VDAC3: variants seen among roughly 807,000 people sequenced by gnomAD.
VDAC3 encodes voltage dependent anion channel 3.
Under a neutral mutation model 33.9 loss-of-function variants are expected in VDAC3, and 7 were observed. The observed-to-expected ratio is 0.21, with a 90% confidence interval of 0.12 to 0.39. The LOEUF (loss-of-function observed/expected upper bound fraction) is 0.39. VDAC3 is among the 10% of genes least tolerant of loss of function. The pLI is 1.00. For missense variants in VDAC3, 261 were observed against 334.5 expected (o/e 0.78, Z 1.71); for synonymous variants, 100 against 122.4 (o/e 0.82, Z 1.21).
At chr8:42,405,294 C>G in intron 9 of VDAC3, 77 bp from the exon 10 acceptor site, 1 of 1,204,184 alleles carries the variant, frequency 8.3e-7, no homozygotes, top group South Asian at 1.3e-5. Context: ...ACCATTGATT[C>G]CATCTGTTGT....
chr8:42,401,300 G>A (rs1482036447), intron 6 of VDAC3, among the ~76,000 whole-genome samples: 3 of 151,824 alleles, frequency 2.0e-5, no homozygotes, highest in African/African-American at 7.3e-5. Flanking sequence ...AGGTTCAAGT[G>A]ATTCTCCTGC....
rs953959315 is a variant in VDAC3 at position 42,395,212 on chromosome 8, A to G, written c.117+79A>G. 13 of 1,582,224 alleles carry G rather than the reference A, an allele frequency of 8.2e-6. No homozygotes were observed. The Admixed American group carries it at 1.2e-4, about 15-fold the overall frequency. ...TGTTTAAAATCATGACAGTCTAGTTACTTGAACCAGCACCATGCTGTCTTC... is the reference window on the plus strand; with the variant it reads ...TGTTTAAAATCATGACAGTCTAGTTGCTTGAACCAGCACCATGCTGTCTTC... On this transcript the variant is annotated intron_variant, in intron 4 of 9. Transcript: ENST00000022615.
chr8:42,404,935 G>A lies in VDAC3; in HGVS notation c.760+11G>A, dbSNP rs780602307. The A allele has an allele frequency of 2.5e-6, 4 of 1,612,828 alleles. No individual in the cohort carries two copies. Among genetic ancestry groups the A allele is most frequent in the Non-Finnish European group, 8.5e-7 (1 of 1,179,206 alleles). On this transcript the variant is annotated intron_variant, in intron 9 of 9. Transcript: ENST00000022615. ...AGACCCTTCGACCAGGTAAGTAAAG[G>A]AATTAGTAACAGAGGGGTTGAGGTG...
intron 4 of VDAC3, among the ~76,000 whole-genome samples, chr8:42,395,556 G>A (rs928255501): frequency 2.6e-5 from 4 of 152,158 alleles, no homozygotes; most frequent in East Asian, 1.9e-4. Flanking sequence ...ATTTCTGCAC[G>A]TATGCATGTA....
In VDAC3 at chr8:42,405,539, C is replaced by G; in HGVS notation, c.*77C>G. 3.2e-6 allele frequency: 4 copies of G among 1,264,812 alleles called. No individual in the cohort carries two copies. Among genetic ancestry groups the G allele is most frequent in the Non-Finnish European group, 4.5e-6 (4 of 884,896 alleles). The allele number at this position is 1,264,812 out of a possible 1,614,324, so 78.3% of individuals were successfully genotyped here. Reference sequence around the variant, plus strand: ...CCCACTATGTTTTGGCCTTAAAATTCTTCTGTGAAATTTCAAAAGTGTGAA... The same window carrying G: ...CCCACTATGTTTTGGCCTTAAAATTGTTCTGTGAAATTTCAAAAGTGTGAA... On this transcript the variant is annotated 3_prime_UTR_variant, in exon 10 of 10. Transcript: ENST00000022615.
intron 1 of VDAC3, among the ~76,000 whole-genome samples, chr8:42,393,417 C>G (rs1050523948): frequency 1.3e-5 from 2 of 152,104 alleles, no homozygotes; most frequent in Non-Finnish European, 2.9e-5. Flanking sequence ...TACAGAAGAA[C>G]CTGCTGCAGA....
At chr8:42,395,301 T>C (rs965415931) in intron 4 of VDAC3, 168 bp downstream of exon 4, 54 of 541,834 alleles carry the variant, frequency 1.0e-4, no homozygotes, top group Non-Finnish European at 1.1e-4. Context: ...AACAACCAAG[T>C]TGAATTTTTG....
intron 4 of VDAC3, chr8:42,397,619 C>T (rs1802340580): frequency 6.6e-6 from 1 of 152,152 alleles, no homozygotes; most frequent in Non-Finnish European, 1.5e-5. Context: ...TGTCATATGA[C>T]TTAAAGGGCA....
intron 7 of VDAC3, 67 bp from the exon 8 acceptor site, chr8:42,403,241 TTTG>T (rs754232599): frequency 1.0e-5 from 16 of 1,566,610 alleles, no homozygotes; most frequent in Non-Finnish European, 1.3e-5. Flanking sequence ...AGTCTTAGAA[TTTG>T]TTTTCATACC....
chr8:42,401,534 A>G (rs995064729), intron 6 of VDAC3, among the ~76,000 whole-genome samples: 1 of 152,230 alleles, frequency 6.6e-6, no homozygotes, highest in African/African-American at 2.4e-5. Context: ...CTTTTATGAA[A>G]TAAATCATGA....
At chr8:42,393,366 C>T (rs150554830) in intron 1 of VDAC3, among the ~76,000 whole-genome samples, 1 of 152,070 alleles carries the variant, frequency 6.6e-6, no homozygotes, top group East Asian at 1.9e-4. Context: ...AGAGGTGGCT[C>T]TGTAATTGGT....
chr8:42,392,679 A>G (rs1215000187), intron 1 of VDAC3, among the ~76,000 whole-genome samples: 1 of 152,256 alleles, frequency 6.6e-6, no homozygotes, highest in East Asian at 1.9e-4. Context: ...AAAAATAACA[A>G]AACAAAATGC....
intron 7 of VDAC3, chr8:42,403,049 A>T (rs1277678531): frequency 2.2e-6 from 1 of 448,480 alleles, no homozygotes; most frequent in Non-Finnish European, 4.0e-6. Flanking sequence ...TTTGTGCTTA[A>T]TTGAATTGTC....
At position 42,401,858 on chromosome 8, in the gene VDAC3, G is replaced by A. The variant is rs751683750; in HGVS notation, c.394G>A (p.Asp132Asn). 2 of 1,614,092 alleles carry A rather than the reference G, an allele frequency of 1.2e-6. No individual in the cohort carries two copies. Residue 132 changes from aspartate to asparagine, a missense_variant, in exon 7 of 10, where the codon GAT (aspartate) becomes AAT (asparagine). By Grantham distance (23) the Asp-to-Asn change is conservative (BLOSUM62 1). Coordinates refer to ENST00000022615, the MANE Select transcript of VDAC3 (RefSeq NM_005662.7). Reference sequence around the variant, plus strand: ...TAGTGTTGGCAGTAATGTTGATATAGATTTTTCTGGACCAACCATCTATGG... The same window carrying A: ...TAGTGTTGGCAGTAATGTTGATATAAATTTTTCTGGACCAACCATCTATGG... ...CFSVGSNVDI[D>N]FSGPTIYGWA... is the part of the protein sequence containing the mutation.
At chr8:42,402,174 T>C in intron 7 of VDAC3, 159 bp downstream of exon 7, 5 of 785,916 alleles carry the variant, frequency 6.4e-6, no homozygotes, top group Non-Finnish European at 8.1e-6. Flanking sequence ...AGGAGGCTGG[T>C]GCACGTGGTG....
intron 5 of VDAC3, chr8:42,399,419 T>C (rs72641499): frequency 0.02 from 8,039 of 393,750 alleles, 112 homozygotes; most frequent in Middle Eastern, 0.028. Context: ...CTGTATTTTA[T>C]GTAACTTGCT....
rs149328580 is a variant in VDAC3 at position 42,404,125 on chromosome 8, G to A, written c.702+664G>A. On this transcript the variant is annotated intron_variant, in intron 8 of 9. Coordinates refer to ENST00000022615, the MANE Select transcript of VDAC3 (RefSeq NM_005662.7). ...CTTTATGTATATTATGTCATTTAAC[G>A]CTCACAACCACTCCATGTGGCGATT... Among the ~76,000 whole-genome samples, 25 of 152,138 alleles carry A rather than the reference G, an allele frequency of 1.6e-4. No homozygotes were observed. The East Asian group carries it at 4.6e-3, about 28-fold the overall frequency.
Position 42,398,803 on chromosome 8 carries a change from C to T in VDAC3, c.209C>T (p.Thr70Ile), listed in dbSNP as rs141938008. 1.2e-6 allele frequency: 2 copies of T among 1,613,958 alleles called. No individual in the cohort carries two copies. The highest frequency in any genetic ancestry group is 8.5e-7 in the Non-Finnish European group (1 of 1,179,992). Residue 70 changes from threonine (T) to isoleucine (I), a missense_variant, in exon 5 of 10, where the codon ACC (threonine) becomes ATC (isoleucine). Physicochemically the swap from Thr to Ile is moderately conservative, Grantham distance 89 (BLOSUM62 -1). Coordinates refer to ENST00000022615, the MANE Select transcript of VDAC3 (RefSeq NM_005662.7). ...TKYKVCNYGL[T>I]FTQKWNTDNT... Reference sequence around the variant, plus strand: ...TATAAGGTCTGTAACTATGGACTTACCTTCACCCAGAAATGGAACACAGAC... The same window carrying T: ...TATAAGGTCTGTAACTATGGACTTATCTTCACCCAGAAATGGAACACAGAC...
rs1030522720 is a variant in VDAC3 at position 42,398,773 on chromosome 8, C to G, written c.179C>G (p.Thr60Ser). The change falls in exon 5 of 10, where the codon ACC becomes AGC. Residue 60 changes from threonine to serine, a missense_variant. Coordinates refer to ENST00000022615, the MANE Select transcript of VDAC3 (RefSeq NM_005662.7). Reference protein sequence around the residue: ...DTGKASGNLETKYKVCNYGLT... With the variant: ...DTGKASGNLESKYKVCNYGLT... ...GGGAAAGCATCAGGCAACCTAGAAA[C>G]CAAATATAAGGTCTGTAACTATGGA... The G allele has an allele frequency of 1.9e-6, 3 of 1,613,782 alleles. No homozygotes were observed.
Sources: gnomAD v4.1 joint callset for allele counts (sites outside exome capture counted in the v4.1 genomes callset) on GRCh38, gnomAD v4.1.1 for gene constraint, MANE v1.5 for transcripts, NCBI Gene and HGNC (gene_info 2026-07-23, HGNC 2026-07-21) for gene names.